The following ADAT2 variants were observed in gnomAD, a reference collection of about 807,000 sequenced individuals.
The protein encoded by ADAT2 is adenosine deaminase tRNA specific 2, also known as tRNA-specific adenosine-34 deaminase catalytic subunit ADAT2.
Under a neutral mutation model 25.9 loss-of-function variants are expected in ADAT2, and 26 were observed. That is an observed-to-expected ratio of 1.00 (90% CI 0.74 to 1.39). The LOEUF is 1.39. ADAT2 is among the 40% of genes most tolerant of loss of function. The pLI is 0.00. For missense variants in ADAT2, 220 were observed against 244.8 expected, an observed-to-expected ratio of 0.90 and a Z score of 0.68; for synonymous variants, 76 against 86.8, an observed-to-expected ratio of 0.88 and a Z score of 0.69.
intron 1 of ADAT2, among the ~76,000 whole-genome samples, chr6:143,447,780 G>A (rs536200471): frequency 1.3e-5 from 2 of 152,050 alleles, no homozygotes; most frequent in Admixed American, 6.5e-5. Context: ...GGTGTTCTAC[G>A]CTTTTACACT....
At chr6:143,450,514 G>T (rs764407800) in intron 1 of ADAT2, 49 bp downstream of exon 1, 9 of 1,591,270 alleles carry the variant, frequency 5.7e-6, no homozygotes, top group Non-Finnish European at 7.8e-6. Context: ...TCGGGTTGAG[G>T]GCTGGAGAAA....
chr6:143,450,515 G>A (rs1249018053), intron 1 of ADAT2, 48 bp downstream of exon 1: 2 of 1,592,700 alleles, frequency 1.3e-6, no homozygotes, highest in African/African-American at 2.7e-5. Context: ...CGGGTTGAGG[G>A]CTGGAGAAAG....
At chr6:143,439,346 C>CAAAAAAAAAAAAAAAAAA (rs35250658) in intron 1 of ADAT2, among the ~76,000 whole-genome samples, 4 of 111,556 alleles carry the variant, frequency 3.6e-5, no homozygotes, top group African/African-American at 1.3e-4. Flanking sequence ...TATGTGTCTA[C>CAAAAAAAAAAAAAAAAAA]AAAAAAAAAA....
Position 143,436,816 on chromosome 6 carries a change from T to C in ADAT2, c.201+1774A>G, listed in dbSNP as rs1203984735. ...GTGTGGGCACTTGCTGTTCTTGCTG[T>C]GTGTTCACCTCTATTAAAGCATTTC... On this transcript the variant is annotated intron_variant, in intron 2 of 5. Coordinates refer to ENST00000237283, the MANE Select transcript of ADAT2 (RefSeq NM_182503.3). The surrounding 1 kb of genome is among the most constrained non-coding windows in gnomAD (Gnocchi z 4.1). 8.5e-5 allele frequency: 13 copies of C among 152,354 alleles called. No individual in the cohort carries two copies. The highest frequency in any genetic ancestry group is 5.9e-4 in the Admixed American group (9 of 15,272). 9.4% of individuals were successfully genotyped at this position (152,354 alleles called of 1,614,324 possible).
At chr6:143,447,894 G>A (rs1779642500) in intron 1 of ADAT2, among the ~76,000 whole-genome samples, 1 of 152,126 alleles carries the variant, frequency 6.6e-6, no homozygotes, top group South Asian at 2.1e-4. Flanking sequence ...TCCCATTACT[G>A]AGCATATACC....
intron 4 of ADAT2, among the ~76,000 whole-genome samples, chr6:143,431,740 A>G (rs1254835148): frequency 6.6e-6 from 1 of 152,262 alleles, no homozygotes; most frequent in East Asian, 1.9e-4. Context: ...TGAACTGCCC[A>G]GCCATATCCA....
chr6:143,425,570 C>G lies in ADAT2; in HGVS notation c.*2893G>C, dbSNP rs9496617. On this transcript the variant is annotated 3_prime_UTR_variant, in exon 6 of 6. Transcript: ENST00000237283. ...ATGTAATGCTGGACCCTAGACTGGA[C>G]CTGGGATTATAGGGTAGTGGGAGAA... 0.23 allele frequency: 34,874 copies of G among 150,822 alleles called. 4,611 individuals carry two copies. The highest frequency in any genetic ancestry group is 0.3 in the Middle Eastern group (89 of 294). 9.3% of individuals were successfully genotyped at this position (150,822 alleles called of 1,614,324 possible).
intron 1 of ADAT2, among the ~76,000 whole-genome samples, chr6:143,450,085 A>G (rs1779719447): frequency 6.6e-6 from 1 of 152,100 alleles, no homozygotes; most frequent in Non-Finnish European, 1.5e-5. Context: ...TCCTGAAGGG[A>G]GTGAGGGAAG....
Position 143,424,132 on chromosome 6 carries a change from C to T in ADAT2, c.*4331G>A, listed in dbSNP as rs928766320. The T allele has an allele frequency of 6.6e-6, 1 of 152,096 alleles. No individual in the cohort carries two copies. The highest frequency in any genetic ancestry group is 2.1e-4 in the South Asian group (1 of 4,828). 9.4% of individuals were successfully genotyped at this position (152,096 alleles called of 1,614,324 possible). On this transcript the variant is annotated 3_prime_UTR_variant, in exon 6 of 6. Transcript: ENST00000237283. The surrounding 1 kb of genome is among the most constrained non-coding windows in gnomAD (Gnocchi z 4.8). ...TTTCAGCAGAACTCACCAGTCTAAT[C>T]CATAAAAATCACGTCGCCCATCGCT...
intron 1 of ADAT2, among the ~76,000 whole-genome samples, chr6:143,439,346 CA>C (rs35250658): frequency 0.4 from 45,122 of 111,506 alleles, 6,817 homozygotes; most frequent in East Asian, 0.55. Context: ...TATGTGTCTA[CA>C]AAAAAAAAAA....
rs890310617 is a variant in ADAT2, at chr6:143,423,120, C to T, written c.*5343G>A. ...GCTTCCAATCTCAGCCTTTTACCTA[C>T]TCTAGACCAGGGGCAGCTAACATTT... On this transcript the variant is annotated 3_prime_UTR_variant, in exon 6 of 6. Transcript: ENST00000237283. 4 of 152,358 alleles carry T rather than the reference C, an allele frequency of 2.6e-5. No individual in the cohort carries two copies. Among genetic ancestry groups the T allele is most frequent in the Non-Finnish European group, 4.4e-5 (3 of 68,056 alleles). 9.4% of individuals were successfully genotyped at this position (152,358 alleles called of 1,614,324 possible).
rs1269645570 is a variant in ADAT2, at chr6:143,428,833, C to T, written c.460-149G>A. 1.4e-6 allele frequency: 1 copy of T among 706,590 alleles called. No individual in the cohort carries two copies. Among genetic ancestry groups the T allele is most frequent in the East Asian group, 2.7e-5 (1 of 36,576 alleles). 43.8% of individuals were successfully genotyped at this position (706,590 alleles called of 1,614,324 possible). On this transcript the variant is annotated intron_variant, in intron 4 of 5. Coordinates refer to ENST00000237283, the MANE Select transcript of ADAT2 (RefSeq NM_182503.3). The surrounding 1 kb of genome is among the most constrained non-coding windows in gnomAD (Gnocchi z 5.0). ...TATTAGTAACATGGGTAAGGAGGTA[C>T]ACTTCCAAAAGATGTTTGATATATC...
chr6:143,424,741 A>G lies in ADAT2; in HGVS notation c.*3722T>C, dbSNP rs571462923. 1 of 152,256 alleles carries G rather than the reference A, an allele frequency of 6.6e-6. No individual in the cohort carries two copies. Among genetic ancestry groups the G allele is most frequent in the East Asian group, 1.9e-4 (1 of 5,190 alleles). 9.4% of individuals were successfully genotyped at this position (152,256 alleles called of 1,614,324 possible). A position where few individuals can be genotyped will look rare whatever the true frequency, so the allele number is the denominator to read the frequency against. On this transcript the variant is annotated 3_prime_UTR_variant, in exon 6 of 6. Transcript: ENST00000237283. The surrounding 1 kb of genome is among the most constrained non-coding windows in gnomAD (Gnocchi z 4.8). ...TATTTAAAACATTCTTATTAGAAAAATTTTTTTTATCAATTTTGGCAGACA... is the reference window on the plus strand; with the variant it reads ...TATTTAAAACATTCTTATTAGAAAAGTTTTTTTTATCAATTTTGGCAGACA...
At chr6:143,441,423 G>A (rs914341170) in intron 1 of ADAT2, 6 of 152,208 alleles carry the variant, frequency 3.9e-5, no homozygotes, top group African/African-American at 1.4e-4. Context: ...AAGAGAAGAA[G>A]TTGATTTGGC....
At chr6:143,447,195 T>TACACA in intron 1 of ADAT2, among the ~76,000 whole-genome samples, 1 of 152,238 alleles carries the variant, frequency 6.6e-6, no homozygotes, top group East Asian at 1.9e-4. Context: ...CTACTTGAAA[T>TACACA]GTGGCTAATA....
In ADAT2 at chr6:143,439,346, C is replaced by CA. The variant is rs35250658; in HGVS notation, c.97-653dup. Among the ~76,000 whole-genome samples the CA allele has an allele frequency of 7.2e-3, 800 of 111,536 alleles. 7 individuals carry two copies. The highest frequency in any genetic ancestry group is 9.6e-3 in the African/African-American group (287 of 29,914). The allele number at this position is 111,536 out of a possible 152,430, so 73.2% of individuals were successfully genotyped here. ...TTTAAAAGAAGGGAATATGTGTCTA[C>CA]AAAAAAAAAAAAAAAAAGAAGAAGA... On this transcript the variant is annotated intron_variant, in intron 1 of 5. Transcript: ENST00000237283.
rs372277191 is a variant in ADAT2, at chr6:143,438,715, T to C, written c.97-21A>G. 5.7e-6 allele frequency: 9 copies of C among 1,584,412 alleles called. No individual in the cohort carries two copies. The African/African-American group carries it at 8.1e-5, about 14-fold the overall frequency. On this transcript the variant is annotated intron_variant, in intron 1 of 5. Transcript: ENST00000237283. ...TTGGCCTGAAACACAAAGTGGAAAA[T>C]GTAAGACGTAATACTCCATACTTGA...
At position 143,423,144 on chromosome 6, in the gene ADAT2, T is replaced by C. The variant is rs555675345; in HGVS notation, c.*5319A>G. On this transcript the variant is annotated 3_prime_UTR_variant, in exon 6 of 6. Transcript: ENST00000237283. ...ACTCTAGACCAGGGGCAGCTAACAT[T>C]TTCTCGAAGGGCCAGACGCTAAATA... is the stretch of plus-strand genomic sequence containing the variant. 3.6e-4 allele frequency: 55 copies of C among 152,292 alleles called. No individual in the cohort carries two copies. The highest frequency in any genetic ancestry group is 1.2e-3 in the African/African-American group (50 of 41,548). 9.4% of individuals were successfully genotyped at this position (152,292 alleles called of 1,614,324 possible).
Position 143,434,069 on chromosome 6 carries a change from C to A in ADAT2, c.202-88G>T. On this transcript the variant is annotated intron_variant, in intron 2 of 5. Transcript: ENST00000237283. This position sits in a 1 kb window ranked among gnomAD's most constrained non-coding sequence, Gnocchi z 4.5. ...ATACAAAAACTAAGTACAAAATATGCGCCTATCCTTTCTGCCAATATTTTA... is the reference window on the plus strand; with the variant it reads ...ATACAAAAACTAAGTACAAAATATGAGCCTATCCTTTCTGCCAATATTTTA... 1.3e-6 allele frequency: 2 copies of A among 1,493,100 alleles called. No individual in the cohort carries two copies. The allele number at this position is 1,493,100 out of a possible 1,614,324, so 92.5% of individuals were successfully genotyped here.
Sources: gnomAD v4.1 joint callset for allele counts (sites outside exome capture counted in the v4.1 genomes callset) on GRCh38, gnomAD v4.1.1 for gene constraint, Gnocchi (gnomAD v3.1) non-coding constraint, MANE v1.5 for transcripts, NCBI Gene and HGNC (gene_info 2026-07-23, HGNC 2026-07-21) for gene names.